P3H2: variants seen among roughly 807,000 people sequenced by gnomAD.
P3H2 encodes prolyl 3-hydroxylase 2, also known as leprecan-like 1.
Under a neutral mutation model 87.0 loss-of-function variants are expected in P3H2, and 80 were observed. The observed-to-expected ratio is 0.92, with a 90% CI of 0.77 to 1.11. The LOEUF (loss-of-function observed/expected upper bound fraction) is 1.11, where lower values mean the gene tolerates loss of function less well. P3H2 is among the 50% of genes least tolerant of loss of function. P3H2 has a pLI of 0.00. For missense variants in P3H2, 1,001 were observed against 923.9 expected, an observed-to-expected ratio of 1.08 and a Z score of -1.08; for synonymous variants, 367 against 359.3, an observed-to-expected ratio of 1.02 and a Z score of -0.24.
intron 1 of P3H2, among the ~76,000 whole-genome samples, chr3:189,998,506 A>G (rs756426213): frequency 1.3e-5 from 2 of 152,162 alleles, no homozygotes; most frequent in Non-Finnish European, 2.9e-5. Context: ...TGGGTACCAC[A>G]ATATACTCTC....
At chr3:189,981,667 C>A (rs145908645) in intron 8 of P3H2, among the ~76,000 whole-genome samples, 219 of 152,272 alleles carry the variant, frequency 1.4e-3, no homozygotes, top group African/African-American at 5.1e-3. Context: ...ACCTTCTAGT[C>A]AGTTGCTGGA....
At chr3:190,034,786 A>G (rs1013409503) in intron 1 of P3H2, among the ~76,000 whole-genome samples, 4 of 152,128 alleles carry the variant, frequency 2.6e-5, no homozygotes, top group African/African-American at 9.7e-5. Flanking sequence ...GTTTATTTAA[A>G]TTACATTAAA....
chr3:189,994,418 G>T (rs571787575), intron 2 of P3H2, 135 bp from the exon 3 acceptor site: 2 of 693,488 alleles, frequency 2.9e-6, no homozygotes, highest in African/African-American at 1.8e-5. Flanking sequence ...TTCTGCTGCG[G>T]AGGGATAAAG....
At chr3:190,098,648 T>G (rs1188802283) in intron 1 of P3H2, among the ~76,000 whole-genome samples, 2 of 152,164 alleles carry the variant, frequency 1.3e-5, no homozygotes, top group East Asian at 1.9e-4. Flanking sequence ...AGACTTTGAG[T>G]AACTTGCCCC....
intron 1 of P3H2, among the ~76,000 whole-genome samples, chr3:190,117,334 C>A (rs1405216179): frequency 6.6e-6 from 1 of 152,208 alleles, no homozygotes; most frequent in East Asian, 1.9e-4. Context: ...CGGAGGCCCA[C>A]TCAGCAGGAT....
intron 6 of P3H2, among the ~76,000 whole-genome samples, chr3:189,985,207 T>C (rs1281306696): frequency 1.3e-5 from 2 of 151,998 alleles, no homozygotes; most frequent in African/African-American, 2.4e-5. Flanking sequence ...ATGTATTAAC[T>C]TGTATATCAT....
chr3:189,970,037 G>A (rs912435971), intron 13 of P3H2, among the ~76,000 whole-genome samples: 6 of 151,144 alleles, frequency 4.0e-5, no homozygotes, highest in South Asian at 2.1e-4. Flanking sequence ...CCAAAGGCAC[G>A]GGTTTACTTA....
At chr3:190,065,403 G>A (rs1381263528) in intron 1 of P3H2, among the ~76,000 whole-genome samples, 1 of 152,086 alleles carries the variant, frequency 6.6e-6, no homozygotes, top group Admixed American at 6.6e-5. Context: ...TGTTGAAGAC[G>A]TCAGAGGAAG....
At chr3:189,969,299 C>A (rs975373682) in intron 13 of P3H2, 2 of 913,112 alleles carry the variant, frequency 2.2e-6, no homozygotes, top group African/African-American at 1.6e-5. Flanking sequence ...ACATCCACCC[C>A]CCAGGTGCAG....
chr3:189,983,781 G>A (rs1723608781), intron 7 of P3H2, among the ~76,000 whole-genome samples: 2 of 152,184 alleles, frequency 1.3e-5, no homozygotes, highest in Non-Finnish European at 2.9e-5. Flanking sequence ...CTCTAAGCAA[G>A]TTGCTTGCCT....
intron 14 of P3H2, among the ~76,000 whole-genome samples, chr3:189,962,923 CTTAGGGCTGGAGAAGA>C (rs1722860656): frequency 6.6e-6 from 1 of 152,196 alleles, no homozygotes; most frequent in African/African-American, 2.4e-5. Flanking sequence ...TTCATCAATA[CTTAGGGCTGGAGAAGA>C]TTTGGAGGTC....
At chr3:190,021,253 G>C (rs13322646) in intron 1 of P3H2, among the ~76,000 whole-genome samples, 9,318 of 134,918 alleles carry the variant, frequency 0.069, 1,968 homozygotes, top group African/African-American at 0.21. Context: ...AGATGTTTTA[G>C]TCTGGTGGAG....
At chr3:190,097,498 G>A (rs999062220) in intron 1 of P3H2, among the ~76,000 whole-genome samples, 2 of 152,228 alleles carry the variant, frequency 1.3e-5, no homozygotes, top group African/African-American at 4.8e-5. Flanking sequence ...GAAAAACAAT[G>A]AGGCCCCCAC....
Position 190,018,838 on chromosome 3 carries a change from C to T in P3H2, c.481-23396G>A, listed in dbSNP as rs1724849076. Among the ~76,000 whole-genome samples the T allele has an allele frequency of 2.6e-5, 4 of 152,202 alleles. No homozygotes were observed. In the South Asian group the frequency reaches 6.2e-4, roughly 24 times the overall value. On this transcript the variant is annotated intron_variant, in intron 1 of 14. Coordinates refer to ENST00000319332, the MANE Select transcript of P3H2 (RefSeq NM_018192.4). The stretch of plus-strand genomic sequence containing the variant: ...GTATTTATGTATGCCCCACTTAAGA[C>T]TGTTGTACTCCTTTCTAAATTATTC...
intron 1 of P3H2, among the ~76,000 whole-genome samples, chr3:190,109,820 T>G (rs552474168): frequency 1.5e-3 from 233 of 150,780 alleles, no homozygotes; most frequent in Non-Finnish European, 1.2e-3. Flanking sequence ...TGTACTTATC[T>G]AACCATCTAA....
intron 8 of P3H2, among the ~76,000 whole-genome samples, chr3:189,977,054 G>A (rs932504660): frequency 1.3e-5 from 2 of 152,076 alleles, no homozygotes; most frequent in Non-Finnish European, 2.9e-5. Flanking sequence ...AGCCTTAATT[G>A]AATACAATTC....
chr3:189,990,375 T>C (rs1197057076), intron 3 of P3H2, among the ~76,000 whole-genome samples: 2 of 152,180 alleles, frequency 1.3e-5, no homozygotes, highest in Non-Finnish European at 2.9e-5. Context: ...TCAACTGTTT[T>C]CTCCTACTCA....
chr3:190,023,063 C>T (rs537310091), intron 1 of P3H2, among the ~76,000 whole-genome samples: 12 of 152,012 alleles, frequency 7.9e-5, no homozygotes, highest in East Asian at 3.9e-4. Context: ...CCTGACCTCA[C>T]GATCCGCCCG....
At chr3:190,056,927 C>G (rs1040699591) in intron 1 of P3H2, among the ~76,000 whole-genome samples, 4 of 152,306 alleles carry the variant, frequency 2.6e-5, no homozygotes, top group African/African-American at 9.6e-5. Flanking sequence ...CAAGTAGACC[C>G]TCCCCCTTCA....
Sources: gnomAD v4.1 joint callset for allele counts (sites outside exome capture counted in the v4.1 genomes callset) on GRCh38, gnomAD v4.1.1 for gene constraint, MANE v1.5 for transcripts, NCBI Gene and HGNC (gene_info 2026-07-23, HGNC 2026-07-21) for gene names.